Variants in ANKRD45 observed in about 807,000 individuals in gnomAD.
ANKRD45 encodes the protein ankyrin repeat domain 45.
ANKRD45 carries 21 observed loss-of-function variants against 28.1 expected under a neutral mutation model. The observed-to-expected ratio is 0.75, with a 90% CI of 0.53 to 1.08. The LOEUF (loss-of-function observed/expected upper bound fraction) is 1.08, where lower values mean the gene tolerates loss of function less well. Ranked by LOEUF, ANKRD45 falls within the 50% of genes least tolerant of loss-of-function variation. The pLI is 0.00. For missense variants in ANKRD45, 261 were observed against 308.7 expected (o/e 0.85, Z 1.16); for synonymous variants, 86 against 103.9 (o/e 0.83, Z 1.05).
At chr1:173,647,326 C>G (rs1668981233) in intron 2 of ANKRD45, among the ~76,000 whole-genome samples, 1 of 152,170 alleles carries the variant, frequency 6.6e-6, no homozygotes, top group African/African-American at 2.4e-5. Flanking sequence ...AGCTCTTCAA[C>G]ATCATGGGAG....
the ANKRD45 span, among the ~76,000 whole-genome samples, chr1:173,702,633 A>T: frequency 6.6e-6 from 1 of 151,798 alleles, no homozygotes; most frequent in African/African-American, 2.4e-5. Flanking sequence ...GGTAAGTGCC[A>T]TGATGTCAGG....
chr1:173,631,987 AAG>A (rs1668217475), intron 3 of ANKRD45, among the ~76,000 whole-genome samples: 1 of 152,008 alleles, frequency 6.6e-6, no homozygotes, highest in Non-Finnish European at 1.5e-5. Context: ...ATAAATAAAA[AAG>A]ATCAGAACAA....
At chr1:173,690,069 C>T in the ANKRD45 span, among the ~76,000 whole-genome samples, 2 of 104,342 alleles carry the variant, frequency 1.9e-5, no homozygotes, top group Admixed American at 8.6e-5. Context: ...CCCGCCCCCC[C>T]CCCCCCCGAC....
the ANKRD45 span, among the ~76,000 whole-genome samples, chr1:173,710,800 G>A: frequency 5.9e-5 from 9 of 152,202 alleles, no homozygotes; most frequent in African/African-American, 1.2e-4. Context: ...GAGAGGCAGC[G>A]TGACAACTGC....
At chr1:173,635,966 T>A in intron 3 of ANKRD45, 1 of 698,508 alleles carries the variant, frequency 1.4e-6, no homozygotes, top group Non-Finnish European at 2.3e-6. Flanking sequence ...TCCCCCAACT[T>A]CCCATTCATT....
At chr1:173,679,853 C>A in the ANKRD45 span, among the ~76,000 whole-genome samples, 2 of 151,976 alleles carry the variant, frequency 1.3e-5, no homozygotes, top group African/African-American at 2.4e-5. Context: ...AAGAAAAAAG[C>A]AAAACAACCC....
chr1:173,661,261 A>AG (rs1669763800), intron 1 of ANKRD45, among the ~76,000 whole-genome samples: 1 of 152,140 alleles, frequency 6.6e-6, no homozygotes, highest in Non-Finnish European at 1.5e-5. Flanking sequence ...TGTTTAGTAA[A>AG]GAATATTAAC....
chr1:173,681,857 C>G, the ANKRD45 span, among the ~76,000 whole-genome samples: 1 of 151,918 alleles, frequency 6.6e-6, no homozygotes, highest in Non-Finnish European at 1.5e-5. Context: ...CAAGACCATC[C>G]TGGCCAACAT....
At chr1:173,677,832 G>A in the ANKRD45 span, among the ~76,000 whole-genome samples, 1 of 152,030 alleles carries the variant, frequency 6.6e-6, no homozygotes, top group East Asian at 1.9e-4. Context: ...AATAATAATG[G>A]CATAGGAATT....
intron 3 of ANKRD45, chr1:173,636,940 G>A: frequency 7.8e-6 from 12 of 1,535,690 alleles, no homozygotes; most frequent in Non-Finnish European, 1.0e-5. Flanking sequence ...TGATATACAA[G>A]ATCTGGGAGC....
At chr1:173,659,008 C>A in intron 2 of ANKRD45, 83 bp downstream of exon 2, 1 of 1,520,590 alleles carries the variant, frequency 6.6e-7, no homozygotes, top group African/African-American at 1.4e-5. Flanking sequence ...ACAGGCACAT[C>A]AAATATATCT....
At chr1:173,611,677 C>T (rs983356837) in intron 5 of ANKRD45, among the ~76,000 whole-genome samples, 3 of 150,836 alleles carry the variant, frequency 2.0e-5, no homozygotes, top group Non-Finnish European at 4.4e-5. Flanking sequence ...GCTAAAACTA[C>T]AAAACTCTCA....
At chr1:173,662,251 G>A (rs996869222) in intron 1 of ANKRD45, among the ~76,000 whole-genome samples, 2 of 152,116 alleles carry the variant, frequency 1.3e-5, no homozygotes, top group African/African-American at 4.8e-5. Context: ...AGTGCTGAAA[G>A]AAAAGAAAAT....
At chr1:173,671,436 A>G (rs1273079600), upstream of ANKRD45, among the ~76,000 whole-genome samples, 2 of 152,222 alleles carry the variant, frequency 1.3e-5, no homozygotes, top group East Asian at 3.9e-4. Flanking sequence ...GAATGCCTCA[A>G]GTGTCATGCA....
the ANKRD45 span, among the ~76,000 whole-genome samples, chr1:173,701,794 C>T: frequency 7.3e-5 from 11 of 151,398 alleles, no homozygotes; most frequent in Non-Finnish European, 1.2e-4. Context: ...TGCACATGTA[C>T]CCTAGAACTT....
At chr1:173,643,012 G>C (rs1460419647) in intron 3 of ANKRD45, among the ~76,000 whole-genome samples, 1 of 152,060 alleles carries the variant, frequency 6.6e-6, no homozygotes, top group Non-Finnish European at 1.5e-5. Flanking sequence ...TGATTTTTGT[G>C]ACACCAACCA....
the ANKRD45 span, among the ~76,000 whole-genome samples, chr1:173,714,528 T>C: frequency 6.6e-6 from 1 of 152,174 alleles, no homozygotes; most frequent in Non-Finnish European, 1.5e-5. Flanking sequence ...GGTCTGTCTA[T>C]CTAACTTCTG....
At chr1:173,700,644 T>A in the ANKRD45 span, among the ~76,000 whole-genome samples, 2 of 152,224 alleles carry the variant, frequency 1.3e-5, no homozygotes, top group Non-Finnish European at 2.9e-5. Flanking sequence ...ACTGGATCCC[T>A]TCCTTACACC....
At chr1:173,617,998 A>ACT (rs1398508739) in intron 5 of ANKRD45, among the ~76,000 whole-genome samples, 5 of 152,192 alleles carry the variant, frequency 3.3e-5, no homozygotes, top group African/African-American at 1.2e-4. Flanking sequence ...AGCCAAGGCA[A>ACT]CTTCCAGCTT....
Sources: gnomAD v4.1 joint callset for allele counts (sites outside exome capture counted in the v4.1 genomes callset) on GRCh38, gnomAD v4.1.1 for gene constraint, MANE v1.5 for transcripts, NCBI Gene and HGNC (gene_info 2026-07-23, HGNC 2026-07-21) for gene names.